Variants in GRM8 observed in about 807,000 individuals in gnomAD.
The protein encoded by GRM8 is metabotropic glutamate receptor 8.
In GRM8, 47 loss-of-function variants were observed where a neutral mutation model predicts 87.2. That is an observed-to-expected ratio of 0.54 (90% confidence interval 0.43 to 0.69). GRM8 has a LOEUF of 0.69. Ranked by LOEUF, GRM8 falls within the 30% of genes least tolerant of loss-of-function variation. The pLI is 0.00. For missense variants in GRM8, 1,019 were observed against 1,139.2 expected (o/e 0.89, Z 1.52); for synonymous variants, 396 against 404.5 (o/e 0.98, Z 0.25).
chr7:126,645,908 C>T (rs1311166783), intron 7 of GRM8, among the ~76,000 whole-genome samples: 2 of 152,152 alleles, frequency 1.3e-5, no homozygotes, highest in African/African-American at 4.8e-5. Context: ...GATGAACTTA[C>T]CCTATATTTT....
At chr7:126,494,159 T>C (rs1162151421) in intron 9 of GRM8, among the ~76,000 whole-genome samples, 2 of 152,040 alleles carry the variant, frequency 1.3e-5, no homozygotes, top group African/African-American at 4.8e-5. Flanking sequence ...TATACCTCCA[T>C]ATTAATTGTG....
At chr7:126,892,505 A>G (rs1311295265) in intron 6 of GRM8, among the ~76,000 whole-genome samples, 1 of 151,982 alleles carries the variant, frequency 6.6e-6, no homozygotes, top group African/African-American at 2.4e-5. Flanking sequence ...CATGGTGTAT[A>G]TGTGCCACAT....
chr7:126,903,655 GTA>G (rs72063013), intron 5 of GRM8, among the ~76,000 whole-genome samples: 4,429 of 101,014 alleles, frequency 0.044, 524 homozygotes, highest in African/African-American at 0.11. Flanking sequence ...AGGTATATGT[GTA>G]TATATATATG....
chr7:127,207,371 A>G (rs1450421509), intron 2 of GRM8, among the ~76,000 whole-genome samples: 1 of 152,164 alleles, frequency 6.6e-6, no homozygotes, highest in Admixed American at 6.5e-5. Context: ...GTGAAGATGA[A>G]ATTTTTATTA....
At chr7:126,830,016 T>C (rs941794876) in intron 6 of GRM8, among the ~76,000 whole-genome samples, 1 of 152,198 alleles carries the variant, frequency 6.6e-6, no homozygotes, top group Non-Finnish European at 1.5e-5. Context: ...TCTTTAAGAA[T>C]GTTGAATATT....
chr7:126,650,163 T>TC (rs200363071), intron 7 of GRM8, among the ~76,000 whole-genome samples: 1,981 of 152,262 alleles, frequency 0.013, 23 homozygotes, highest in Non-Finnish European at 0.018. Flanking sequence ...ACAAAGTGGG[T>TC]CATGTCCACA....
At position 126,692,834 on chromosome 7, in the gene GRM8, C is replaced by T. The variant is rs78945983; in HGVS notation, c.1357+77031G>A. On this transcript the variant is annotated intron_variant, in intron 7 of 10. Coordinates refer to ENST00000339582, the MANE Select transcript of GRM8 (RefSeq NM_000845.3). ...AGTTGATTCCTATCAAAGGTCAAAT[C>T]CTGAAAGAGTAAAATAATCACCTTC... Among the ~76,000 whole-genome samples, 458 of 152,196 alleles carry T rather than the reference C, an allele frequency of 3.0e-3. 1 individual carries two copies. Among genetic ancestry groups the T allele is most frequent in the Non-Finnish European group, 5.0e-3 (343 of 68,006 alleles).
intron 3 of GRM8, among the ~76,000 whole-genome samples, chr7:127,028,143 G>T (rs896577145): frequency 4.6e-5 from 7 of 152,016 alleles, no homozygotes; most frequent in African/African-American, 1.2e-4. Flanking sequence ...ATTGATTTTT[G>T]AATGTTGAAC....
At chr7:126,520,956 T>C (rs1258344466) in intron 9 of GRM8, among the ~76,000 whole-genome samples, 1 of 152,106 alleles carries the variant, frequency 6.6e-6, no homozygotes, top group African/African-American at 2.4e-5. Context: ...TGATTGGACA[T>C]TTTAGCATGG....
intron 6 of GRM8, among the ~76,000 whole-genome samples, chr7:126,836,433 G>C (rs1795833723): frequency 6.6e-6 from 1 of 152,126 alleles, no homozygotes; most frequent in South Asian, 2.1e-4. Flanking sequence ...TACCTTCTGT[G>C]TCACTTAAAA....
intron 3 of GRM8, chr7:127,058,073 A>C (rs1820182517): frequency 2.2e-6 from 1 of 462,764 alleles, no homozygotes; most frequent in African/African-American, 2.0e-5. Context: ...TTCTGGAATC[A>C]CGTCTTTAAC....
At chr7:127,084,716 A>C (rs541269550) in intron 3 of GRM8, 24 of 152,210 alleles carry the variant, frequency 1.6e-4, no homozygotes, top group Non-Finnish European at 2.5e-4. Context: ...AGATCTTGAG[A>C]AGTGTTTCTG....
At chr7:127,032,760 T>C (rs1817500324) in intron 3 of GRM8, among the ~76,000 whole-genome samples, 1 of 152,170 alleles carries the variant, frequency 6.6e-6, no homozygotes, top group South Asian at 2.1e-4. Context: ...TCTTCCAGAT[T>C]TGGGTACAAG....
At chr7:126,532,761 GGA>G (rs1222262612) in intron 9 of GRM8, among the ~76,000 whole-genome samples, 189 bp downstream of exon 9, 2 of 80,672 alleles carry the variant, frequency 2.5e-5, no homozygotes, top group African/African-American at 8.9e-5. Flanking sequence ...CTTGACGGAT[GGA>G]GATATATATA....
intron 7 of GRM8, among the ~76,000 whole-genome samples, chr7:126,748,130 C>T (rs956093293): frequency 6.6e-6 from 1 of 151,810 alleles, no homozygotes; most frequent in Non-Finnish European, 1.5e-5. Flanking sequence ...TTTTCCAGTA[C>T]AATTCAACAT....
intron 3 of GRM8, among the ~76,000 whole-genome samples, chr7:127,059,748 A>T (rs1378350733): frequency 6.6e-6 from 1 of 152,204 alleles, no homozygotes; most frequent in Non-Finnish European, 1.5e-5. Flanking sequence ...AATGCAGTGG[A>T]GTTTTCTTGT....
intron 9 of GRM8, among the ~76,000 whole-genome samples, chr7:126,457,388 C>G (rs1319142304): frequency 2.0e-5 from 3 of 151,172 alleles, no homozygotes. Flanking sequence ...CAATAATTTT[C>G]CAAAACTTAT....
At chr7:127,082,417 T>C (rs569639064) in intron 3 of GRM8, among the ~76,000 whole-genome samples, 2 of 152,122 alleles carry the variant, frequency 1.3e-5, no homozygotes, top group Non-Finnish European at 2.9e-5. Context: ...TAACTCACTC[T>C]ATGATCTTTA....
intron 7 of GRM8, among the ~76,000 whole-genome samples, chr7:126,752,433 G>T (rs1816529939): frequency 6.6e-6 from 1 of 152,092 alleles, no homozygotes; most frequent in South Asian, 2.1e-4. Flanking sequence ...AATATTTTCA[G>T]TGTTCAGTAG....
Sources: allele counts gnomAD v4.1 joint callset (sites outside exome capture counted in the v4.1 genomes callset), GRCh38; gene constraint gnomAD v4.1.1; transcripts MANE v1.5; gene names NCBI Gene and HGNC (gene_info 2026-07-23, HGNC 2026-07-21).